The following MFHAS1 variants were observed in gnomAD, a reference collection of about 807,000 sequenced individuals.
MFHAS1 encodes the protein multifunctional ROCO family signaling regulator 1.
In MFHAS1, 50 loss-of-function variants were observed where a neutral mutation model predicts 70.4. That is an observed-to-expected ratio of 0.71 (90% CI 0.57 to 0.90). MFHAS1 has a LOEUF of 0.90. Ranked by LOEUF, MFHAS1 falls within the 40% of genes least tolerant of loss-of-function variation. The pLI, the probability that MFHAS1 is intolerant of heterozygous loss-of-function variation, is 0.00. For synonymous variants in MFHAS1, 952 were observed against 620.0 expected, an observed-to-expected ratio of 1.54 and a Z score of -7.96; for missense variants, 1,795 against 1,347.6, an observed-to-expected ratio of 1.33 and a Z score of -5.20.
chr8:8,840,097 AGCACCTACT>A (rs556326018), intron 1 of MFHAS1, among the ~76,000 whole-genome samples: 195 of 152,340 alleles, frequency 1.3e-3, no homozygotes, highest in Non-Finnish European at 1.7e-3. Context: ...GACATATCCA[AGCACCTACT>A]GTTCCAACCC....
Position 8,856,993 on chromosome 8 carries a change from AAAAAAAAAAAAAAAAG to A in MFHAS1, c.2998+33052_2998+33067del, listed in dbSNP as rs1360225277. On this transcript the variant is annotated intron_variant, in intron 1 of 2. Transcript: ENST00000276282. ...CATCAGGAAAGTGAAAAAAAAAAAA[AAAAAAAAAAAAAAAAG>A]AGGAGAGATACCGAAAGAGCCAGGC... Among the ~76,000 whole-genome samples the A allele has an allele frequency of 2.1e-4, 30 of 140,884 alleles. 1 individual carries two copies. The highest frequency in any genetic ancestry group is 7.6e-4 in the African/African-American group (30 of 39,246). 92.4% of individuals were successfully genotyped at this position (140,884 alleles called of 152,430 possible).
At chr8:8,819,699 C>T (rs1806882733) in intron 1 of MFHAS1, among the ~76,000 whole-genome samples, 1 of 151,760 alleles carries the variant, frequency 6.6e-6, no homozygotes, top group Admixed American at 6.6e-5. Flanking sequence ...GAACAGACAA[C>T]TTCCTTTTCC....
intron 1 of MFHAS1, among the ~76,000 whole-genome samples, chr8:8,813,071 TA>T (rs1467884681): frequency 3.3e-5 from 5 of 152,196 alleles, no homozygotes; most frequent in Non-Finnish European, 7.3e-5. Context: ...CTGGCCTTCA[TA>T]TAATGACTTT....
chr8:8,866,463 C>T (rs1425815121), intron 1 of MFHAS1, among the ~76,000 whole-genome samples: 1 of 152,102 alleles, frequency 6.6e-6, no homozygotes, highest in South Asian at 2.1e-4. Context: ...CAACTACAGG[C>T]ATGCACCACC....
chr8:8,871,015 G>T (rs1321232312), intron 1 of MFHAS1, among the ~76,000 whole-genome samples: 3 of 152,030 alleles, frequency 2.0e-5, no homozygotes, highest in East Asian at 1.9e-4. Flanking sequence ...CTGCCTCCGG[G>T]GGTTATTCTG....
chr8:8,826,444 G>A (rs1456844724), intron 1 of MFHAS1, among the ~76,000 whole-genome samples: 2 of 152,192 alleles, frequency 1.3e-5, no homozygotes, highest in Non-Finnish European at 2.9e-5. Context: ...AATGTAAGCA[G>A]AAGTTGGGCC....
chr8:8,885,025 G>A (rs572455673), intron 1 of MFHAS1, among the ~76,000 whole-genome samples: 10 of 151,878 alleles, frequency 6.6e-5, no homozygotes, highest in African/African-American at 2.4e-4. Flanking sequence ...GAGAGGCTCT[G>A]CAGAAGCTAC....
intron 1 of MFHAS1, among the ~76,000 whole-genome samples, chr8:8,818,016 A>G (rs1406292686): frequency 1.3e-5 from 2 of 152,146 alleles, no homozygotes; most frequent in African/African-American, 4.8e-5. Context: ...CCGTATCTAT[A>G]CATACATTCT....
chr8:8,868,564 A>T (rs571769697), intron 1 of MFHAS1, among the ~76,000 whole-genome samples: 3 of 151,886 alleles, frequency 2.0e-5, no homozygotes, highest in East Asian at 1.9e-4. Flanking sequence ...GCTACTCCCA[A>T]CTACTCGGAT....
At chr8:8,864,028 ACCG>A (rs386722012) in intron 1 of MFHAS1, among the ~76,000 whole-genome samples, 3,790 of 152,232 alleles carry the variant, frequency 0.025, 158 homozygotes, top group African/African-American at 0.086. Context: ...ATTCCTGTTT[ACCG>A]GCATGTAGTT....
In MFHAS1 at chr8:8,802,453, A is replaced by G. The variant is rs1210105930; in HGVS notation, c.2999-4962T>C. On this transcript the variant is annotated intron_variant, in intron 1 of 2. Coordinates refer to ENST00000276282, the MANE Select transcript of MFHAS1 (RefSeq NM_004225.3). ...AAGGCTTACTCTTCTAAATACACAA[A>G]GAGTTCATACAAGCGCATGTGAGGA... is the stretch of plus-strand genomic sequence containing the variant. Among the ~76,000 whole-genome samples the G allele has an allele frequency of 3.9e-5, 6 of 152,194 alleles. No homozygotes were observed. The East Asian group carries it at 1.2e-3, about 29-fold the overall frequency.
intron 1 of MFHAS1, among the ~76,000 whole-genome samples, chr8:8,832,062 G>GCACACACACACA (rs59984727): frequency 6.7e-6 from 1 of 149,494 alleles, no homozygotes; most frequent in Non-Finnish European, 1.5e-5. Flanking sequence ...GCGCGCGCGC[G>GCACACACACACA]CACACACACA....
intron 1 of MFHAS1, among the ~76,000 whole-genome samples, chr8:8,875,105 A>G (rs1809240062): frequency 6.6e-6 from 1 of 152,260 alleles, no homozygotes. Context: ...GAGGAGGTAC[A>G]GTGAAAAAGA....
chr8:8,822,833 A>G (rs949489134), intron 1 of MFHAS1, among the ~76,000 whole-genome samples: 2 of 148,864 alleles, frequency 1.3e-5, no homozygotes, highest in African/African-American at 5.0e-5. Flanking sequence ...GGGGACTGAC[A>G]CAGGGACAGG....
chr8:8,786,087 A>G, intron 2 of MFHAS1, 32 bp from the exon 3 acceptor site: 1 of 1,605,346 alleles, frequency 6.2e-7, no homozygotes, highest in Admixed American at 1.7e-5. Flanking sequence ...AAGCACAGAG[A>G]TGACAAAAAC....
intron 1 of MFHAS1, among the ~76,000 whole-genome samples, chr8:8,889,424 C>G (rs1809900343): frequency 6.6e-6 from 1 of 152,202 alleles, no homozygotes; most frequent in Non-Finnish European, 1.5e-5. Flanking sequence ...AAGATTTTCT[C>G]TGGAATTTCT....
chr8:8,879,560 C>G (rs1379788071), intron 1 of MFHAS1, among the ~76,000 whole-genome samples: 2 of 152,224 alleles, frequency 1.3e-5, no homozygotes, highest in Non-Finnish European at 2.9e-5. Flanking sequence ...TCCACCTACT[C>G]ATACATCTGA....
intron 1 of MFHAS1, among the ~76,000 whole-genome samples, chr8:8,800,919 G>C (rs975304375): frequency 6.6e-6 from 1 of 151,880 alleles, no homozygotes; most frequent in Non-Finnish European, 1.5e-5. Context: ...TTTTGCCAGA[G>C]AATTTGAAAT....
chr8:8,785,922 G>C lies in MFHAS1; in HGVS notation c.*100C>G. 2 of 1,079,106 alleles carry C rather than the reference G, an allele frequency of 1.9e-6. No individual in the cohort carries two copies. Among genetic ancestry groups the C allele is most frequent in the Non-Finnish European group, 2.6e-6 (2 of 755,596 alleles). The allele number at this position is 1,079,106 out of a possible 1,614,324, so 66.8% of individuals were successfully genotyped here. Reference sequence around the variant, plus strand: ...GCACGCGTTGTCACTCAAGTTCACAGAACACGCTGGGGTGAGTGCAGAGGG... The same window carrying C: ...GCACGCGTTGTCACTCAAGTTCACACAACACGCTGGGGTGAGTGCAGAGGG... On this transcript the variant is annotated 3_prime_UTR_variant, in exon 3 of 3. Transcript: ENST00000276282.
Sources: allele counts gnomAD v4.1 joint callset (sites outside exome capture counted in the v4.1 genomes callset), GRCh38; gene constraint gnomAD v4.1.1; transcripts MANE v1.5; gene names NCBI Gene and HGNC (gene_info 2026-07-23, HGNC 2026-07-21).